Variants in HMGN4 observed in about 807,000 individuals in gnomAD.
HMGN4 encodes high mobility group nucleosomal binding domain 4.
For synonymous variants in HMGN4, 39 were observed against 39.1 expected (o/e 1.00, Z 0.01); for missense variants, 69 against 104.9 (o/e 0.66, Z 1.49).
At chr6:26,543,420 C>CTTTTTTTTTTTTT in intron 1 of HMGN4, among the ~76,000 whole-genome samples, 1 of 44,378 alleles carries the variant, frequency 2.3e-5, no homozygotes, top group African/African-American at 1.1e-4. Flanking sequence ...GGCACCATTA[C>CTTTTTTTTTTTTT]CTTTTTTTTT....
chr6:26,540,279 C>T (rs1203845049), intron 1 of HMGN4, among the ~76,000 whole-genome samples: 2 of 152,092 alleles, frequency 1.3e-5, no homozygotes, highest in Non-Finnish European at 2.9e-5. Context: ...GAGTGACTGA[C>T]ACCATGTGAC....
Position 26,545,151 on chromosome 6 carries a change from G to T in HMGN4, c.-56G>T. ...GACATCTTTCCAGGAACAGCGTGAGGAGGACAGAAGCACCCAACAGGACTG... is the reference window on the plus strand; with the variant it reads ...GACATCTTTCCAGGAACAGCGTGAGTAGGACAGAAGCACCCAACAGGACTG... On this transcript the variant is annotated 5_prime_UTR_variant, in exon 2 of 2. Transcript: ENST00000377575. 2.8e-6 allele frequency: 4 copies of T among 1,425,978 alleles called. No individual in the cohort carries two copies. The highest frequency in any genetic ancestry group is 3.7e-6 in the Non-Finnish European group (4 of 1,072,858). The allele number at this position is 1,425,978 out of a possible 1,614,324, so 88.3% of individuals were successfully genotyped here. A position where few individuals can be genotyped will look rare whatever the true frequency, so the allele number is the denominator to read the frequency against.
At chr6:26,544,619 T>C (rs1764327124) in intron 1 of HMGN4, among the ~76,000 whole-genome samples, 1 of 152,216 alleles carries the variant, frequency 6.6e-6, no homozygotes, top group Admixed American at 6.5e-5. Flanking sequence ...ACAATACCAC[T>C]GTTTGCAGAG....
intron 1 of HMGN4, among the ~76,000 whole-genome samples, chr6:26,543,616 C>T (rs1764313662): frequency 6.8e-6 from 1 of 146,934 alleles, no homozygotes; most frequent in Non-Finnish European, 1.5e-5. Context: ...CAAAAATTGG[C>T]TGGGTATGGT....
Position 26,542,317 on chromosome 6 carries a change from A to G in HMGN4, c.-80-2810A>G, listed in dbSNP as rs1338118573. On this transcript the variant is annotated intron_variant, in intron 1 of 1. Coordinates refer to ENST00000377575, the MANE Select transcript of HMGN4 (RefSeq NM_006353.3). The surrounding 1 kb of genome is among the most constrained non-coding windows in gnomAD (Gnocchi z 4.6). ...CCTCAGTTTCTCCTAAGTTATTAAC[A>G]ACTTACACTGGTGTGGTACATTTGT... Among the ~76,000 whole-genome samples, 2 of 152,230 alleles carry G rather than the reference A, an allele frequency of 1.3e-5. No homozygotes were observed. The highest frequency in any genetic ancestry group is 2.9e-5 in the Non-Finnish European group (2 of 68,042).
At position 26,546,592 on chromosome 6, in the gene HMGN4, G is replaced by A. The variant is rs1581448106; in HGVS notation, c.*1113G>A. Among the ~76,000 whole-genome samples, 1 of 152,210 alleles carries A rather than the reference G, an allele frequency of 6.6e-6. No homozygotes were observed. The highest frequency in any genetic ancestry group is 1.9e-4 in the East Asian group (1 of 5,172). On this transcript the variant is annotated 3_prime_UTR_variant, in exon 2 of 2. Coordinates refer to ENST00000377575, the MANE Select transcript of HMGN4 (RefSeq NM_006353.3). ...ACAGTCCTGATTATTGCAACTTTAG[G>A]AAAAGGTCTGATAAAAACCAAGATG...
At chr6:26,541,372 C>T (rs186455158) in intron 1 of HMGN4, among the ~76,000 whole-genome samples, 95 of 152,290 alleles carry the variant, frequency 6.2e-4, no homozygotes, top group African/African-American at 2.0e-3. Flanking sequence ...TATGTTAGTC[C>T]GCTAGGGCTG....
intron 1 of HMGN4, among the ~76,000 whole-genome samples, chr6:26,541,397 C>T (rs533356730): frequency 6.6e-6 from 1 of 152,284 alleles, no homozygotes; most frequent in East Asian, 1.9e-4. Flanking sequence ...AACAAGGTAC[C>T]ACAGGCTGAG....
intron 1 of HMGN4, among the ~76,000 whole-genome samples, chr6:26,544,865 AT>A (rs1338744693): frequency 1.3e-5 from 2 of 152,054 alleles, no homozygotes; most frequent in African/African-American, 2.4e-5. Context: ...ACCTGTTAAC[AT>A]TTTTTGCCAT....
intron 1 of HMGN4, among the ~76,000 whole-genome samples, chr6:26,539,652 AAGAAAAG>A (rs1269844941): frequency 1.4e-5 from 2 of 140,196 alleles, no homozygotes; most frequent in Admixed American, 7.2e-5. Context: ...AAAAAAAAAA[AAGAAAAG>A]AAAAGAAAGA....
chr6:26,539,126 A>G (rs1332539380), intron 1 of HMGN4, among the ~76,000 whole-genome samples: 1 of 152,212 alleles, frequency 6.6e-6, no homozygotes, highest in Non-Finnish European at 1.5e-5. Flanking sequence ...TTTATGAGAA[A>G]GTTTTGTTGT....
chr6:26,538,634 T>C (rs1764249610), intron 1 of HMGN4, 133 bp downstream of exon 1: 1 of 154,000 alleles, frequency 6.5e-6, no homozygotes, highest in African/African-American at 2.4e-5. Flanking sequence ...TTGGGCCCCG[T>C]CAGCCCCGCC....
rs777027295 is a variant in HMGN4 at position 26,545,169 on chromosome 6, C to T, written c.-38C>T. 2 of 1,542,140 alleles carry T rather than the reference C, an allele frequency of 1.3e-6. No individual in the cohort carries two copies. On this transcript the variant is annotated 5_prime_UTR_variant, in exon 2 of 2. Transcript: ENST00000377575. ...GCGTGAGGAGGACAGAAGCACCCAA[C>T]AGGACTGCTCAAGCCACCTGCGAAC... is the stretch of plus-strand genomic sequence containing the variant.
chr6:26,545,638 T>A lies in HMGN4; in HGVS notation c.*159T>A. The A allele has an allele frequency of 2.0e-6, 1 of 497,600 alleles. No individual in the cohort carries two copies. The highest frequency in any genetic ancestry group is 3.5e-6 in the Non-Finnish European group (1 of 285,286). 30.8% of individuals were successfully genotyped at this position (497,600 alleles called of 1,614,324 possible). ...TGTTGTCTTTTGTGGAAAGGGCAAG[T>A]ACCACTAATAGGGTGTATCTCAGAA... On this transcript the variant is annotated 3_prime_UTR_variant, in exon 2 of 2. Coordinates refer to ENST00000377575, the MANE Select transcript of HMGN4 (RefSeq NM_006353.3).
intron 1 of HMGN4, among the ~76,000 whole-genome samples, chr6:26,544,842 G>T (rs1213280479): frequency 6.6e-6 from 1 of 152,056 alleles, no homozygotes; most frequent in Non-Finnish European, 1.5e-5. Context: ...CCTCACTCAT[G>T]CTTCCAAGAA....
chr6:26,538,986 A>C (rs972532299), intron 1 of HMGN4, among the ~76,000 whole-genome samples: 1 of 152,140 alleles, frequency 6.6e-6, no homozygotes, highest in African/African-American at 2.4e-5. Context: ...TTCCATCACA[A>C]AGAAAAAATG....
At chr6:26,544,458 A>C (rs370924758) in intron 1 of HMGN4, among the ~76,000 whole-genome samples, 1 of 152,200 alleles carries the variant, frequency 6.6e-6, no homozygotes, top group Non-Finnish European at 1.5e-5. Context: ...ATACTACCAA[A>C]ATATATGCAT....
intron 1 of HMGN4, among the ~76,000 whole-genome samples, chr6:26,543,882 A>G (rs9461270): frequency 0.5 from 75,755 of 151,086 alleles, 19,259 homozygotes; most frequent in East Asian, 0.74. Flanking sequence ...TTTCCCAGTA[A>G]ATGTTTTCAA....
At chr6:26,539,454 G>A (rs1263300235) in intron 1 of HMGN4, among the ~76,000 whole-genome samples, 3 of 151,720 alleles carry the variant, frequency 2.0e-5, no homozygotes, top group South Asian at 4.2e-4. Flanking sequence ...ATTTTTAGTT[G>A]GAGACGGAGT....
Sources: gnomAD v4.1 joint callset for allele counts (sites outside exome capture counted in the v4.1 genomes callset) on GRCh38, gnomAD v4.1.1 for gene constraint, Gnocchi (gnomAD v3.1) non-coding constraint, MANE v1.5 for transcripts, NCBI Gene and HGNC (gene_info 2026-07-23, HGNC 2026-07-21) for gene names.